The following LYZL4 variants were observed in gnomAD, a reference collection of about 807,000 sequenced individuals.
The protein encoded by LYZL4 is lysozyme like 4, also known as lysozyme-like protein 4.
In LYZL4, 13 loss-of-function variants were observed where a neutral mutation model predicts 17.6. The observed-to-expected ratio is 0.74, with a 90% CI of 0.48 to 1.18. LYZL4 has a LOEUF of 1.18. LYZL4 is among the 50% of genes most tolerant of loss of function. LYZL4 has a pLI of 0.00. For missense variants in LYZL4, 174 were observed against 188.2 expected, an observed-to-expected ratio of 0.92 and a Z score of 0.44; for synonymous variants, 64 against 67.7, an observed-to-expected ratio of 0.95 and a Z score of 0.27.
At chr3:42,396,879 C>T (rs902007677), downstream of LYZL4, among the ~76,000 whole-genome samples, 3 of 152,216 alleles carry the variant, frequency 2.0e-5, no homozygotes, top group Non-Finnish European at 4.4e-5. Context: ...AGCCTCTCTT[C>T]CTCTCTTCTT....
chr3:42,405,094 G>A lies in LYZL4; in HGVS notation c.293-970C>T, dbSNP rs528841616. 1.4e-4 allele frequency among the ~76,000 whole-genome samples: 22 copies of A among 152,186 alleles called. No homozygotes were observed. The South Asian group carries it at 1.7e-3, about 11-fold the overall frequency. On this transcript the variant is annotated intron_variant, in intron 3 of 4. Transcript: ENST00000287748. ...GAGGGATTCTCGCTCTGTCTCCCAG[G>A]CTGGAGTACTGTGGCGCGATCTGGG...
chr3:42,392,821 C>T (rs901166199), downstream of LYZL4, among the ~76,000 whole-genome samples: 2 of 152,070 alleles, frequency 1.3e-5, no homozygotes, highest in African/African-American at 4.8e-5. Flanking sequence ...TATGAGGTGG[C>T]GTTCAAAGAG....
chr3:42,398,815 T>C (rs1698602641), intron 4 of LYZL4, among the ~76,000 whole-genome samples: 1 of 151,994 alleles, frequency 6.6e-6, no homozygotes, highest in African/African-American at 2.4e-5. Flanking sequence ...TTCACATAAA[T>C]CTAGAAGCCA....
At chr3:42,389,158 G>C in the LYZL4 span, among the ~76,000 whole-genome samples, 1 of 152,182 alleles carries the variant, frequency 6.6e-6, no homozygotes, top group African/African-American at 2.4e-5. Flanking sequence ...ATGATGACAG[G>C]GTTCTGCATA....
intron 4 of LYZL4, among the ~76,000 whole-genome samples, chr3:42,398,011 C>T (rs998491259): frequency 6.6e-6 from 1 of 152,146 alleles, no homozygotes; most frequent in Admixed American, 6.5e-5. Context: ...TTTCGTCATC[C>T]CACCCCTCAG....
intron 4 of LYZL4, among the ~76,000 whole-genome samples, chr3:42,401,217 A>T (rs1698646492): frequency 6.6e-6 from 1 of 152,092 alleles, no homozygotes; most frequent in Non-Finnish European, 1.5e-5. Context: ...TTCTTTATTA[A>T]TATTTTTTTT....
the LYZL4 span, among the ~76,000 whole-genome samples, chr3:42,376,743 C>T: frequency 2.6e-5 from 4 of 152,246 alleles, no homozygotes; most frequent in South Asian, 2.1e-4. Context: ...CAACAGGGTG[C>T]CTGCCCTGGA....
At chr3:42,363,004 GC>G in the LYZL4 span, among the ~76,000 whole-genome samples, 3 of 152,158 alleles carry the variant, frequency 2.0e-5, no homozygotes, top group Non-Finnish European at 4.4e-5. Flanking sequence ...ATCCAGTCAA[GC>G]TTTTGGACAA....
chr3:42,365,346 G>A, the LYZL4 span, among the ~76,000 whole-genome samples: 5 of 152,306 alleles, frequency 3.3e-5, no homozygotes, highest in Admixed American at 2.0e-4. Flanking sequence ...AAAATGCTGT[G>A]TAACAAAATA....
At chr3:42,366,682 T>C in the LYZL4 span, among the ~76,000 whole-genome samples, 1,305 of 152,324 alleles carry the variant, frequency 8.6e-3, 18 homozygotes, top group African/African-American at 0.029. Flanking sequence ...CCAGCAGCCA[T>C]GGCTTGGGCT....
the LYZL4 span, among the ~76,000 whole-genome samples, chr3:42,383,128 G>A: frequency 5.3e-5 from 8 of 152,056 alleles, no homozygotes; most frequent in Non-Finnish European, 1.2e-4. Flanking sequence ...CTGAACTGGG[G>A]GCATCAGGCA....
chr3:42,362,321 G>C, the LYZL4 span, among the ~76,000 whole-genome samples: 11 of 152,170 alleles, frequency 7.2e-5, no homozygotes, highest in Non-Finnish European at 1.0e-4. Context: ...TTCATAAACA[G>C]AAGAAACAAT....
At chr3:42,390,373 G>C in the LYZL4 span, among the ~76,000 whole-genome samples, 1 of 152,172 alleles carries the variant, frequency 6.6e-6, no homozygotes, top group Non-Finnish European at 1.5e-5. Context: ...ATGGTGACAA[G>C]GATGAAGTTT....
At chr3:42,402,488 A>T (rs1698675341) in intron 4 of LYZL4, among the ~76,000 whole-genome samples, 1 of 152,228 alleles carries the variant, frequency 6.6e-6, no homozygotes, top group Non-Finnish European at 1.5e-5. Flanking sequence ...TTGACAAAAG[A>T]TTTGAAGAGG....
the LYZL4 span, among the ~76,000 whole-genome samples, chr3:42,387,135 T>TA: frequency 6.6e-6 from 1 of 152,192 alleles, no homozygotes; most frequent in Non-Finnish European, 1.5e-5. Context: ...AATAACAACA[T>TA]ACTGTGCAAT....
At chr3:42,362,986 T>A in the LYZL4 span, among the ~76,000 whole-genome samples, 1 of 152,154 alleles carries the variant, frequency 6.6e-6, no homozygotes, top group East Asian at 1.9e-4. Flanking sequence ...CAAAATTGTT[T>A]AACTGAGATC....
intron 4 of LYZL4, among the ~76,000 whole-genome samples, chr3:42,400,464 T>C (rs1698635112): frequency 6.6e-6 from 1 of 152,166 alleles, no homozygotes; most frequent in South Asian, 2.1e-4. Flanking sequence ...AAAATGAAGA[T>C]AAGAATGCTC....
At chr3:42,399,353 A>G (rs1698613145) in intron 4 of LYZL4, among the ~76,000 whole-genome samples, 1 of 152,246 alleles carries the variant, frequency 6.6e-6, no homozygotes. Context: ...TTGAAAGAAC[A>G]TAAAAGTTCT....
At chr3:42,383,439 C>CAAAA in the LYZL4 span, among the ~76,000 whole-genome samples, 1 of 108,906 alleles carries the variant, frequency 9.2e-6, no homozygotes, top group Non-Finnish European at 2.0e-5. Context: ...TGATTTCCAC[C>CAAAA]AAAAAAAAAA....
Sources: gnomAD v4.1 joint callset for allele counts (sites outside exome capture counted in the v4.1 genomes callset) on GRCh38, gnomAD v4.1.1 for gene constraint, MANE v1.5 for transcripts, NCBI Gene and HGNC (gene_info 2026-07-23, HGNC 2026-07-21) for gene names.